The following GRIN1 variants were observed in gnomAD, a reference collection of about 807,000 sequenced individuals.
The protein encoded by GRIN1 is glutamate receptor ionotropic, NMDA 1.
Under a neutral mutation model 103.0 loss-of-function variants are expected in GRIN1, and 38 were observed. The ratio of observed to expected loss-of-function variants is 0.37; its 90% CI spans 0.28 to 0.48. The LOEUF is 0.48. Among genes scored for constraint, GRIN1 ranks in the 20% least tolerant of loss-of-function variants. The pLI, the probability that GRIN1 is intolerant of heterozygous loss-of-function variation, is 0.98. For synonymous variants in GRIN1, 544 were observed against 532.7 expected (o/e 1.02, Z -0.29); for missense variants, 577 against 1,288.9 (o/e 0.45, Z 8.46).
chr9:137,139,752 C>A lies in GRIN1; in HGVS notation c.258+8C>A. On this transcript the variant is annotated splice_region_variant and intron_variant, in intron 1 of 19. Coordinates refer to ENST00000371561, the MANE Select transcript of GRIN1 (RefSeq NM_007327.4). The surrounding 1 kb of genome is among the most constrained non-coding windows in gnomAD (Gnocchi z 7.7). ...GACCTCATCTCCAGCCAGGTGCCCT[C>A]CCCCACCTCCGCCACCCACCTCCCC... The A allele has an allele frequency of 1.2e-6, 2 of 1,607,288 alleles. No homozygotes were observed. The highest frequency in any genetic ancestry group is 2.2e-5 in the South Asian group (2 of 90,922).
At chr9:137,155,173 C>T (rs918705626) in intron 4 of GRIN1, among the ~76,000 whole-genome samples, 7 of 152,218 alleles carry the variant, frequency 4.6e-5, no homozygotes, top group Non-Finnish European at 8.8e-5. Context: ...AACTGTTTTG[C>T]TCCTAATCAT....
intron 10 of GRIN1, among the ~76,000 whole-genome samples, 195 bp downstream of exon 10, chr9:137,161,611 TG>T (rs1272528516): frequency 1.4e-4 from 4 of 27,840 alleles, no homozygotes; most frequent in African/African-American, 5.8e-4. Context: ...GAGGGCTGGG[TG>T]GGGCCTGACA....
chr9:137,158,332 G>A (rs200155425), intron 6 of GRIN1, 47 bp from the exon 7 acceptor site: 1 of 1,604,856 alleles, frequency 6.2e-7, no homozygotes, highest in South Asian at 1.1e-5. Flanking sequence ...GGGAGGAGCA[G>A]GAGAAGGAGC....
At chr9:137,142,263 C>T in intron 2 of GRIN1, 116 bp downstream of exon 2, 1 of 991,054 alleles carries the variant, frequency 1.0e-6, no homozygotes, top group South Asian at 1.3e-5. Flanking sequence ...CAAACAGCCA[C>T]ACAGCTCCCC....
rs1833698242 is a variant in GRIN1 at position 137,163,752 on chromosome 9, C to A, written c.2444-7C>A. On this transcript the variant is annotated splice_polypyrimidine_tract_variant and splice_region_variant and intron_variant, in intron 17 of 19. Transcript: ENST00000371561. ...CAGCAACTGAGGCTCTGGGTCCCGG[C>A]ACACAGGGGTCTTCATGCTGGTAGC... 1 of 1,613,640 alleles carries A rather than the reference C, an allele frequency of 6.2e-7. No individual in the cohort carries two copies. The highest frequency in any genetic ancestry group is 1.3e-5 in the African/African-American group (1 of 74,948).
chr9:137,147,179 A>G (rs1020514851), intron 3 of GRIN1, among the ~76,000 whole-genome samples: 11 of 151,998 alleles, frequency 7.2e-5, no homozygotes, highest in Admixed American at 6.5e-4. Context: ...TCACAGGTGC[A>G]TGCACACATT....
At chr9:137,150,444 T>A (rs1214918274) in intron 4 of GRIN1, among the ~76,000 whole-genome samples, 6 of 91,914 alleles carry the variant, frequency 6.5e-5, no homozygotes, top group Non-Finnish European at 1.3e-4. Flanking sequence ...TCCACCCAGA[T>A]AAAAGCCCGC....
Position 137,161,920 on chromosome 9 carries a change from G to T in GRIN1, c.1468-4G>T, listed in dbSNP as rs201031836. On this transcript the variant is annotated splice_polypyrimidine_tract_variant and splice_region_variant and intron_variant, in intron 10 of 19. Coordinates refer to ENST00000371561, the MANE Select transcript of GRIN1 (RefSeq NM_007327.4). ...GCATGCCCGCCGGCTCTGTCGCCTCGCAGGTGAACAACAGCAACAAGAAGG... is the reference window on the plus strand; with the variant it reads ...GCATGCCCGCCGGCTCTGTCGCCTCTCAGGTGAACAACAGCAACAAGAAGG... The T allele has an allele frequency of 8.4e-6, 13 of 1,555,650 alleles. No homozygotes were observed. Among genetic ancestry groups the T allele is most frequent in the Middle Eastern group, 1.7e-4 (1 of 5,938 alleles).
In GRIN1 at chr9:137,162,384, C is replaced by T. The variant is rs1323001335; in HGVS notation, c.1752-20C>T. The T allele has an allele frequency of 6.3e-7, 1 of 1,587,368 alleles. No homozygotes were observed. ...CCGCCTCTCCCGCCCTCTCTCCCGC[C>T]CGCCCTCTGCGCCCCGCAGCCCCTT... On this transcript the variant is annotated intron_variant, in intron 12 of 19. Transcript: ENST00000371561.
At chr9:137,142,238 G>T (rs1832218154) in intron 2 of GRIN1, 91 bp downstream of exon 2, 4 of 1,324,748 alleles carry the variant, frequency 3.0e-6, no homozygotes, top group Non-Finnish European at 4.3e-6. Flanking sequence ...CCGCTCACAT[G>T]GAACTCACAC....
rs980580097 is a variant in GRIN1 at position 137,156,520 on chromosome 9, C to A, written c.672-149C>A. ...CCTGGGAGGCTCCTGGGTTCTGGGC[C>A]GCAGCGCCTCTGCGAGGTCTGCAGG... On this transcript the variant is annotated intron_variant, in intron 4 of 19. Transcript: ENST00000371561. 9.6e-6 allele frequency: 11 copies of A among 1,144,204 alleles called. No individual in the cohort carries two copies. In the African/African-American group the frequency reaches 1.5e-4, roughly 16 times the overall value. The allele number at this position is 1,144,204 out of a possible 1,614,324, so 70.9% of individuals were successfully genotyped here. A position where few individuals can be genotyped will look rare whatever the true frequency, so the allele number is the denominator to read the frequency against.
chr9:137,139,632 C>T lies in GRIN1; in HGVS notation c.146C>T (p.Ala49Val). Residue 49 changes from alanine (A) to valine (V), a missense_variant, in exon 1 of 20, where the codon GCC (alanine) becomes GTC (valine). This residue lies in a region of GRIN1 where 308 missense variants were observed against 553.6 expected (regional missense o/e 0.56). Coordinates refer to ENST00000371561, the MANE Select transcript of GRIN1 (RefSeq NM_007327.4). This position sits in a 1 kb window ranked among gnomAD's most constrained non-coding sequence, Gnocchi z 7.7. ...EQMFREAVNQ[A>V]NKRHGSWKIQ... ...ATGTTCCGCGAGGCCGTGAACCAGG[C>T]CAACAAGCGGCACGGCTCCTGGAAG... 6.2e-7 allele frequency: 1 copy of T among 1,613,842 alleles called. No individual in the cohort carries two copies. Among genetic ancestry groups the T allele is most frequent in the South Asian group, 1.1e-5 (1 of 91,076 alleles).
intron 2 of GRIN1, among the ~76,000 whole-genome samples, chr9:137,142,936 G>A (rs1832257360): frequency 6.6e-6 from 1 of 152,250 alleles, no homozygotes; most frequent in South Asian, 2.1e-4. Flanking sequence ...TCAGCTGGAA[G>A]AGAGGAGGGT....
chr9:137,144,095 C>T (rs186248667), intron 2 of GRIN1, among the ~76,000 whole-genome samples: 250 of 152,300 alleles, frequency 1.6e-3, no homozygotes, highest in Middle Eastern at 0.014. Flanking sequence ...ATCTTCGAGG[C>T]GCTATGTGTC....
At chr9:137,153,069 C>A (rs1482631045) in intron 4 of GRIN1, among the ~76,000 whole-genome samples, 2 of 151,484 alleles carry the variant, frequency 1.3e-5, no homozygotes, top group African/African-American at 4.9e-5. Context: ...GCACACATGC[C>A]ATATACACAC....
At position 137,167,984 on chromosome 9, in the gene GRIN1, C is replaced by G; in HGVS notation, c.*457C>G. The stretch of plus-strand genomic sequence containing the variant: ...CCCGTCCGTCCGCCCGCCCACCCCG[C>G]TGCCTGGCGGGCAGCCCCTGCTGGA... On this transcript the variant is annotated 3_prime_UTR_variant, in exon 20 of 20. Transcript: ENST00000371561. The G allele has an allele frequency of 1.3e-6, 1 of 779,010 alleles. No individual in the cohort carries two copies. Among genetic ancestry groups the G allele is most frequent in the Non-Finnish European group, 2.2e-6 (1 of 462,176 alleles). The allele number at this position is 779,010 out of a possible 1,614,324, so 48.3% of individuals were successfully genotyped here.
At chr9:137,152,196 G>A (rs113683736) in intron 4 of GRIN1, among the ~76,000 whole-genome samples, 1 of 151,978 alleles carries the variant, frequency 6.6e-6, no homozygotes, top group Non-Finnish European at 1.5e-5. Context: ...GTGAGCCACC[G>A]TGCCCAGCCA....
rs370048215 is a variant in GRIN1, at chr9:137,145,318, A to G, written c.394-408A>G. On this transcript the variant is annotated intron_variant, in intron 2 of 19. Transcript: ENST00000371561. ...GTGTCCCCAGAGGGGTGGGGACAGG[A>G]GTGAGAGGAAGGGGGTCCCAGGGTC... Among the ~76,000 whole-genome samples, 18 of 89,100 alleles carry G rather than the reference A, an allele frequency of 2.0e-4. No homozygotes were observed. The South Asian group carries it at 2.8e-3, about 14-fold the overall frequency. 58.5% of individuals were successfully genotyped at this position (89,100 alleles called of 152,430 possible). A position where few individuals can be genotyped will look rare whatever the true frequency, so the allele number is the denominator to read the frequency against.
chr9:137,167,478 A>T lies in GRIN1; in HGVS notation c.2768A>T (p.Glu923Val). 6.4e-7 allele frequency: 1 copy of T among 1,560,012 alleles called. No homozygotes were observed. The highest frequency in any genetic ancestry group is 2.4e-5 in the East Asian group (1 of 42,304). ...ACAGTGCTGCCGCGACGCGCTATTG[A>T]GAGGGAGGAGGGCCAGCTGCAGCTG... ...KDTVLPRRAI[E>V]REEGQLQLCS... The change falls in exon 20 of 20, where the codon GAG (glutamate) becomes GTG (valine). Residue 923 changes from glutamate (E) to valine (V), a missense_variant. Around this residue, in one of 9 missense-constraint regions of GRIN1, gnomAD observed 68 missense variants for 113.0 expected, o/e 0.60. Coordinates refer to ENST00000371561, the MANE Select transcript of GRIN1 (RefSeq NM_007327.4).
Sources: gnomAD v4.1 joint callset for allele counts (sites outside exome capture counted in the v4.1 genomes callset) on GRCh38, gnomAD v4.1.1 for gene constraint, gnomAD v4.1.1 regional missense constraint, Gnocchi (gnomAD v3.1) non-coding constraint, MANE v1.5 for transcripts, NCBI Gene and HGNC (gene_info 2026-07-23, HGNC 2026-07-21) for gene names.